The following CRADD variants were observed in gnomAD, a reference collection of about 807,000 sequenced individuals.
The protein encoded by CRADD is death domain-containing protein CRADD.
In CRADD, 9 loss-of-function variants were observed where a neutral mutation model predicts 15.5. That is an observed-to-expected ratio of 0.58 (90% confidence interval 0.35 to 1.01). CRADD has a LOEUF of 1.01. Ranked by LOEUF, CRADD falls within the 50% of genes least tolerant of loss-of-function variation. CRADD has a pLI of 0.02. For synonymous variants in CRADD, 118 were observed against 107.6 expected (o/e 1.10, Z -0.60); for missense variants, 227 against 250.3 (o/e 0.91, Z 0.63).
chr12:93,760,877 G>C (rs2136949855), intron 2 of CRADD, among the ~76,000 whole-genome samples: 1 of 152,024 alleles, frequency 6.6e-6, no homozygotes, highest in South Asian at 2.1e-4. Context: ...ATATTGGAAG[G>C]GTGCCCCAGA....
chr12:93,871,829 T>G (rs55956322), intron 2 of CRADD, among the ~76,000 whole-genome samples: 59,250 of 152,102 alleles, frequency 0.39, 12,156 homozygotes, highest in Middle Eastern at 0.5. Flanking sequence ...ACACTTAAGT[T>G]GCTTAGAAAT....
intron 2 of CRADD, chr12:93,737,615 G>A (rs1956593716): frequency 6.6e-6 from 1 of 152,160 alleles, no homozygotes; most frequent in Non-Finnish European, 1.5e-5. Flanking sequence ...TTTTCTCCAT[G>A]GGATTGGGTG....
chr12:93,887,840 A>T (rs1445363537), intron 2 of CRADD, among the ~76,000 whole-genome samples: 1 of 152,324 alleles, frequency 6.6e-6, no homozygotes, highest in African/African-American at 2.4e-5. Context: ...TCATAGCTGG[A>T]TGGGAAAAGC....
At chr12:93,807,130 T>C (rs1280811400) in intron 2 of CRADD, among the ~76,000 whole-genome samples, 1 of 152,134 alleles carries the variant, frequency 6.6e-6, no homozygotes, top group African/African-American at 2.4e-5. Context: ...GAAAGAATAT[T>C]GTTGATGCCC....
At chr12:93,695,780 C>T (rs1207739365) in intron 2 of CRADD, among the ~76,000 whole-genome samples, 1 of 152,262 alleles carries the variant, frequency 6.6e-6, no homozygotes, top group South Asian at 2.1e-4. Flanking sequence ...CCTGTATTCC[C>T]AGCTACTTGG....
At chr12:93,841,611 T>C (rs144469889) in intron 2 of CRADD, among the ~76,000 whole-genome samples, 1 of 152,252 alleles carries the variant, frequency 6.6e-6, no homozygotes, top group African/African-American at 2.4e-5. Flanking sequence ...CACTTCTGAG[T>C]GTTTAGAGGT....
chr12:93,759,106 C>A (rs1448247281), intron 2 of CRADD, among the ~76,000 whole-genome samples: 1 of 151,958 alleles, frequency 6.6e-6, no homozygotes, highest in Non-Finnish European at 1.5e-5. Flanking sequence ...GTTTTGAGGA[C>A]CAGCAAAATA....
intron 2 of CRADD, among the ~76,000 whole-genome samples, chr12:93,769,046 ATATT>A (rs1296784239): frequency 6.6e-6 from 1 of 151,844 alleles, no homozygotes; most frequent in East Asian, 1.9e-4. Context: ...AGATACCATA[ATATT>A]TACTCATTCT....
intron 2 of CRADD, among the ~76,000 whole-genome samples, chr12:93,819,024 G>A (rs1347518360): frequency 6.6e-6 from 1 of 152,222 alleles, no homozygotes; most frequent in African/African-American, 2.4e-5. Context: ...TAGCTACAAG[G>A]CCAGTATTTT....
rs550925162 is a variant in CRADD, at chr12:93,701,673, A to T, written c.298+22601A>T. On this transcript the variant is annotated intron_variant, in intron 2 of 2. Coordinates refer to ENST00000332896, the MANE Select transcript of CRADD (RefSeq NM_003805.5). ...GCTTTGAAGATTCCAAATTCCTGAGAATATGATTCAGTTAGTGAGTAACAT... is the reference window on the plus strand; with the variant it reads ...GCTTTGAAGATTCCAAATTCCTGAGTATATGATTCAGTTAGTGAGTAACAT... Among the ~76,000 whole-genome samples, 11 of 152,332 alleles carry T rather than the reference A, an allele frequency of 7.2e-5. No homozygotes were observed. In the East Asian group the frequency reaches 2.1e-3, roughly 29 times the overall value.
At position 93,704,536 on chromosome 12, in the gene CRADD, G is replaced by T. The variant is rs569371322; in HGVS notation, c.298+25464G>T. On this transcript the variant is annotated intron_variant, in intron 2 of 2. Coordinates refer to ENST00000332896, the MANE Select transcript of CRADD (RefSeq NM_003805.5). ...GTCTTCTACAACATTCCCCAAATCT[G>T]TCTACTTGAGTCCATCCCTTGCCTG... 3.0e-4 allele frequency among the ~76,000 whole-genome samples: 46 copies of T among 152,174 alleles called. No individual in the cohort carries two copies. The South Asian group carries it at 7.7e-3, about 25-fold the overall frequency.
chr12:93,755,408 CTGTTCTAGCTT>C (rs1223567836), intron 2 of CRADD, among the ~76,000 whole-genome samples: 3 of 152,190 alleles, frequency 2.0e-5, no homozygotes, highest in African/African-American at 7.2e-5. Flanking sequence ...TTTTAAATCT[CTGTTCTAGCTT>C]TGTCATATGC....
At chr12:93,885,258 T>C (rs961126758) in intron 2 of CRADD, among the ~76,000 whole-genome samples, 6 of 152,202 alleles carry the variant, frequency 3.9e-5, no homozygotes, top group Non-Finnish European at 7.3e-5. Flanking sequence ...TGTGGTGAAC[T>C]CCAGATTTAT....
downstream of CRADD, among the ~76,000 whole-genome samples, chr12:93,850,981 C>T (rs557778858): frequency 2.3e-4 from 35 of 152,156 alleles, no homozygotes; most frequent in African/African-American, 6.5e-4. The surrounding 1 kb of genome is among the most constrained non-coding windows in gnomAD (Gnocchi z 4.0). Context: ...GCATGCATAC[C>T]CGAGCCCTTC....
intron 2 of CRADD, among the ~76,000 whole-genome samples, chr12:93,763,625 C>G (rs1345210699): frequency 6.6e-6 from 1 of 151,686 alleles, no homozygotes; most frequent in Non-Finnish European, 1.5e-5. Flanking sequence ...TTTTGTCTAA[C>G]ATTTCTTTTG....
At position 93,824,334 on chromosome 12, in the gene CRADD, T is replaced by A. The variant is rs1429034136; in HGVS notation, c.299-25636T>A. 6.6e-6 allele frequency among the ~76,000 whole-genome samples: 1 copy of A among 152,088 alleles called. No homozygotes were observed. Among genetic ancestry groups the A allele is most frequent in the Non-Finnish European group, 1.5e-5 (1 of 68,014 alleles). On this transcript the variant is annotated intron_variant, in intron 2 of 2. Transcript: ENST00000332896. The surrounding 1 kb of genome is among the most constrained non-coding windows in gnomAD (Gnocchi z 4.3). ...TGTTTCATTTTTCATCCCTATAATT[T>A]CCTAGGTTTGATAGCACTTCAATTT...
chr12:93,846,582 A>ACACACACACACACACACGCG (rs1555228767), intron 2 of CRADD: 1 of 74,534 alleles, frequency 1.3e-5, no homozygotes, highest in African/African-American at 4.1e-5. Context: ...TAAAACCAGA[A>ACACACACACACACACACGCG]CACACACACA....
intron 2 of CRADD, among the ~76,000 whole-genome samples, chr12:93,712,937 A>T (rs191206900): frequency 4.6e-5 from 7 of 152,270 alleles, no homozygotes; most frequent in Middle Eastern, 3.4e-3. Flanking sequence ...AGAATTGAGA[A>T]TAAAGACTCC....
At chr12:93,890,025 C>CG (rs1565949902) in intron 2 of CRADD, among the ~76,000 whole-genome samples, 1 of 152,218 alleles carries the variant, frequency 6.6e-6, no homozygotes, top group East Asian at 1.9e-4. Flanking sequence ...ATACTCAGCC[C>CG]GGGCCTCCGA....
Sources: allele counts gnomAD v4.1 joint callset (sites outside exome capture counted in the v4.1 genomes callset), GRCh38; gene constraint gnomAD v4.1.1; non-coding constraint Gnocchi (gnomAD v3.1); transcripts MANE v1.5; gene names NCBI Gene and HGNC (gene_info 2026-07-23, HGNC 2026-07-21).